The following SCCPDH variants were observed in gnomAD, a reference collection of about 807,000 sequenced individuals.
The protein encoded by SCCPDH is saccharopine dehydrogenase (putative), also known as saccharopine dehydrogenase-like oxidoreductase.
Under a neutral mutation model 51.5 loss-of-function variants are expected in SCCPDH, and 34 were observed. That is an observed-to-expected ratio of 0.66 (90% CI 0.50 to 0.88). The LOEUF (loss-of-function observed/expected upper bound fraction) is 0.88. Ranked by LOEUF, SCCPDH falls within the 40% of genes least tolerant of loss-of-function variation. SCCPDH has a pLI of 0.00. For synonymous variants in SCCPDH, 187 were observed against 191.3 expected (o/e 0.98, Z 0.19); for missense variants, 464 against 527.1 (o/e 0.88, Z 1.17).
intron 3 of SCCPDH, among the ~76,000 whole-genome samples, chr1:246,739,674 T>C (rs975173735): frequency 1.3e-5 from 2 of 152,186 alleles, no homozygotes; most frequent in African/African-American, 4.8e-5. Context: ...GGGAACTCTC[T>C]ACTATTCAAT....
chr1:246,735,345 CT>C (rs907756644), intron 2 of SCCPDH, among the ~76,000 whole-genome samples: 84 of 152,268 alleles, frequency 5.5e-4, no homozygotes, highest in African/African-American at 1.9e-3. Context: ...TTACTTTTTC[CT>C]GTATCTGGAT....
Position 246,724,525 on chromosome 1 carries a change from G to A in SCCPDH, c.103G>A (p.Glu35Lys). 1 of 1,551,638 alleles carries A rather than the reference G, an allele frequency of 6.4e-7. No homozygotes were observed. The highest frequency in any genetic ancestry group is 8.7e-7 in the Non-Finnish European group (1 of 1,151,342). The change falls in exon 1 of 12, where the codon GAG becomes AAG. Residue 35 changes from glutamate (E) to lysine (K), a missense_variant. Physicochemically the swap from Glu to Lys is moderately conservative, Grantham distance 56. Transcript: ENST00000366510. Reference sequence around the variant, plus strand: ...GGTGGCCCGGGAGCAGGTGGACCCGGAGCGGAGCTCCCGCCTGCCCTGGGC... The same window carrying A: ...GGTGGCCCGGGAGCAGGTGGACCCGAAGCGGAGCTCCCGCCTGCCCTGGGC... ...EEVAREQVDPERSSRLPWAVA... is the reference protein window; with the variant it reads ...EEVAREQVDPKRSSRLPWAVA...
chr1:246,749,897 C>T (rs928821591), intron 5 of SCCPDH, among the ~76,000 whole-genome samples: 1 of 152,090 alleles, frequency 6.6e-6, no homozygotes, highest in Non-Finnish European at 1.5e-5. Context: ...AGAAGGCAAG[C>T]GTCAAAAGTA....
chr1:246,729,140 A>G (rs1439623062), intron 2 of SCCPDH, among the ~76,000 whole-genome samples: 1 of 152,228 alleles, frequency 6.6e-6, no homozygotes, highest in Non-Finnish European at 1.5e-5. Context: ...ACGGTATCAC[A>G]ATGCAAATGG....
intron 3 of SCCPDH, among the ~76,000 whole-genome samples, chr1:246,737,614 C>T (rs1301116159): frequency 2.6e-5 from 4 of 150,994 alleles, no homozygotes; most frequent in Admixed American, 1.3e-4. Flanking sequence ...TTTTTTGATA[C>T]AGGGTCTCTC....
intron 6 of SCCPDH, 60 bp downstream of exon 6, chr1:246,758,416 G>A: frequency 7.7e-7 from 1 of 1,298,718 alleles, no homozygotes. Flanking sequence ...TTGTTGGGTT[G>A]GCTATTAATA....
intron 9 of SCCPDH, among the ~76,000 whole-genome samples, chr1:246,763,573 T>G (rs1368041423): frequency 1.3e-5 from 2 of 152,208 alleles, no homozygotes; most frequent in African/African-American, 4.8e-5. Context: ...CCTGGTAGAT[T>G]AATAACACCC....
At chr1:246,732,710 AATT>A (rs1211576791) in intron 2 of SCCPDH, among the ~76,000 whole-genome samples, 1 of 152,104 alleles carries the variant, frequency 6.6e-6, no homozygotes. Context: ...TTAACCTGAG[AATT>A]ATGTGGGGAG....
At chr1:246,741,365 C>T (rs1218887108) in intron 4 of SCCPDH, among the ~76,000 whole-genome samples, 1 of 151,922 alleles carries the variant, frequency 6.6e-6, no homozygotes, top group Admixed American at 6.5e-5. Context: ...TCTTGCTCTG[C>T]CGTAGCTCAC....
chr1:246,738,778 G>A (rs1467095941), intron 3 of SCCPDH, among the ~76,000 whole-genome samples: 14 of 152,146 alleles, frequency 9.2e-5, no homozygotes, highest in African/African-American at 2.9e-4. Context: ...GCTTGAACCC[G>A]CGAGGTGGAG....
chr1:246,730,172 G>A (rs185738303), intron 2 of SCCPDH, among the ~76,000 whole-genome samples: 12 of 152,006 alleles, frequency 7.9e-5, no homozygotes, highest in Admixed American at 6.5e-4. Context: ...TATCTTAAAC[G>A]CCTCCTATTG....
At chr1:246,740,076 C>A in intron 3 of SCCPDH, 96 bp from the exon 4 acceptor site, 1 of 998,404 alleles carries the variant, frequency 1.0e-6, no homozygotes, top group Non-Finnish European at 1.4e-6. Flanking sequence ...TTAGCATTTT[C>A]AAAGTTTGGT....
intron 10 of SCCPDH, among the ~76,000 whole-genome samples, chr1:246,764,740 A>T (rs1242181704): frequency 5.3e-5 from 8 of 152,246 alleles, no homozygotes; most frequent in Non-Finnish European, 8.8e-5. Context: ...CATTGTTTGT[A>T]AAATATGTAT....
chr1:246,756,190 C>T (rs1006001603), intron 5 of SCCPDH, among the ~76,000 whole-genome samples: 2 of 152,206 alleles, frequency 1.3e-5, no homozygotes, highest in African/African-American at 4.8e-5. Context: ...CCTGACATCA[C>T]AATTTTGAGC....
At chr1:246,741,103 CAAAA>C (rs1189581313) in intron 4 of SCCPDH, among the ~76,000 whole-genome samples, 3 of 151,270 alleles carry the variant, frequency 2.0e-5, no homozygotes, top group Non-Finnish European at 4.4e-5. Context: ...AGCAAAAAAA[CAAAA>C]AAACAAAAAC....
intron 1 of SCCPDH, 135 bp downstream of exon 1, chr1:246,724,747 G>A (rs188341556): frequency 0.023 from 17,864 of 765,518 alleles, 311 homozygotes; most frequent in Middle Eastern, 0.058. Context: ...AAGAGGAGAG[G>A]GAGAGATGTT....
intron 3 of SCCPDH, among the ~76,000 whole-genome samples, chr1:246,736,571 G>A (rs1345174791): frequency 1.3e-5 from 2 of 151,972 alleles, no homozygotes; most frequent in Non-Finnish European, 2.9e-5. Context: ...CATGGTGGCG[G>A]GCACCTGTCA....
At position 246,763,078 on chromosome 1, in the gene SCCPDH, G is replaced by A. The variant is rs556773283; in HGVS notation, c.991-1168G>A. Reference sequence around the variant, plus strand: ...TAAATCTGCCCAGTGATGCTAATGTGCTGCCAGGGTTGAGAATCACCACTG... The same window carrying A: ...TAAATCTGCCCAGTGATGCTAATGTACTGCCAGGGTTGAGAATCACCACTG... On this transcript the variant is annotated intron_variant, in intron 9 of 11. Coordinates refer to ENST00000366510, the MANE Select transcript of SCCPDH (RefSeq NM_016002.3). 4.6e-5 allele frequency among the ~76,000 whole-genome samples: 7 copies of A among 152,226 alleles called. No homozygotes were observed. The South Asian group carries it at 1.5e-3, about 32-fold the overall frequency.
chr1:246,760,152 G>A lies in SCCPDH; in HGVS notation c.934-19G>A, dbSNP rs201288565. 9.0e-5 allele frequency: 143 copies of A among 1,597,568 alleles called. 1 individual carries two copies. The highest frequency in any genetic ancestry group is 4.3e-5 in the Non-Finnish European group (51 of 1,175,472). On this transcript the variant is annotated intron_variant, in intron 8 of 11. Coordinates refer to ENST00000366510, the MANE Select transcript of SCCPDH (RefSeq NM_016002.3). ...TGAGTTTTAAAAAAATATCACTGACGGTTTTTTTTTCCCTTTAGTTCCCAT... is the reference window on the plus strand; with the variant it reads ...TGAGTTTTAAAAAAATATCACTGACAGTTTTTTTTTCCCTTTAGTTCCCAT...
Sources: allele counts gnomAD v4.1 joint callset (sites outside exome capture counted in the v4.1 genomes callset), GRCh38; gene constraint gnomAD v4.1.1; transcripts MANE v1.5; gene names NCBI Gene and HGNC (gene_info 2026-07-23, HGNC 2026-07-21).